The following SEM1 variants were observed in gnomAD, a reference collection of about 807,000 sequenced individuals.
The protein encoded by SEM1 is SEM1 26S proteasome subunit.
SEM1 carries 3 observed loss-of-function variants against 12.7 expected under a neutral mutation model. The ratio of observed to expected loss-of-function variants is 0.24; its 90% CI spans 0.11 to 0.61. The LOEUF (loss-of-function observed/expected upper bound fraction) is 0.61, where lower values mean the gene tolerates loss of function less well. Among genes scored for constraint, SEM1 ranks in the 20% least tolerant of loss-of-function variants. SEM1 has a pLI of 0.88. For synonymous variants in SEM1, 30 were observed against 27.8 expected (o/e 1.08, Z -0.25); for missense variants, 59 against 81.3 (o/e 0.73, Z 1.06).
chr7:96,504,808 T>C (rs963454832), intron 3 of SEM1, among the ~76,000 whole-genome samples: 1 of 151,936 alleles, frequency 6.6e-6, no homozygotes, highest in African/African-American at 2.4e-5. Flanking sequence ...GATTTCTTGG[T>C]ATGTTTCTGA....
chr7:96,506,505 T>C (rs913982637), intron 3 of SEM1: 2 of 152,134 alleles, frequency 1.3e-5, no homozygotes, highest in African/African-American at 4.8e-5. Context: ...AACTTCAAAA[T>C]GTCACCTAAG....
intron 2 of SEM1, among the ~76,000 whole-genome samples, chr7:96,601,342 A>T (rs192481970): frequency 6.3e-4 from 96 of 152,292 alleles, no homozygotes; most frequent in Non-Finnish European, 1.3e-3. Flanking sequence ...TAAGAAAAAA[A>T]GTCAATTGGG....
intron 2 of SEM1, among the ~76,000 whole-genome samples, chr7:96,606,925 T>A (rs1807398125): frequency 6.6e-6 from 1 of 152,250 alleles, no homozygotes; most frequent in Non-Finnish European, 1.5e-5. Flanking sequence ...TATGTCACTG[T>A]ACAGAAGAGC....
chr7:96,662,225 A>G (rs1789027474), intron 2 of SEM1, among the ~76,000 whole-genome samples: 1 of 152,168 alleles, frequency 6.6e-6, no homozygotes, highest in Admixed American at 6.5e-5. Context: ...ATATACACAC[A>G]TGTTCACTGC....
At chr7:96,523,563 C>T (rs1804351672) in intron 2 of SEM1, among the ~76,000 whole-genome samples, 4 of 152,088 alleles carry the variant, frequency 2.6e-5, no homozygotes. Flanking sequence ...CATCGTTCTC[C>T]TCTCTTTACA....
At chr7:96,570,084 C>G (rs1189075391) in intron 2 of SEM1, among the ~76,000 whole-genome samples, 1 of 151,770 alleles carries the variant, frequency 6.6e-6, no homozygotes, top group Non-Finnish European at 1.5e-5. Context: ...ATGTTTAGTT[C>G]TTTGAGAAAC....
intron 2 of SEM1, among the ~76,000 whole-genome samples, chr7:96,624,596 T>G (rs944984230): frequency 6.6e-6 from 1 of 152,320 alleles, no homozygotes; most frequent in African/African-American, 2.4e-5. Flanking sequence ...TAATGCTCAT[T>G]AAGTGCTTGG....
intron 2 of SEM1, among the ~76,000 whole-genome samples, chr7:96,566,672 T>C (rs946488792): frequency 1.3e-5 from 2 of 151,596 alleles, no homozygotes; most frequent in African/African-American, 4.8e-5. Flanking sequence ...TCACCTTTTA[T>C]GGCTTCTAAG....
At chr7:96,520,177 A>G (rs2115623527) in intron 2 of SEM1, among the ~76,000 whole-genome samples, 1 of 152,290 alleles carries the variant, frequency 6.6e-6, no homozygotes, top group Admixed American at 6.5e-5. Flanking sequence ...GAGTATGCCA[A>G]GGGTCACTCA....
At chr7:96,486,284 T>A in exon 2 of SEM1, 1 of 1,537,220 alleles carries the variant, frequency 6.5e-7, no homozygotes, top group Non-Finnish European at 8.7e-7. Context: ...GGCCGGATGC[T>A]TACTCTCATG....
At chr7:96,700,524 C>T (rs1790237996) in intron 1 of SEM1, among the ~76,000 whole-genome samples, 1 of 152,098 alleles carries the variant, frequency 6.6e-6, no homozygotes. Context: ...ATCGTACTTC[C>T]TTTTCCCATT....
At chr7:96,704,370 A>T (rs1790379578) in intron 1 of SEM1, among the ~76,000 whole-genome samples, 1 of 152,156 alleles carries the variant, frequency 6.6e-6, no homozygotes, top group African/African-American at 2.4e-5. Flanking sequence ...TTAAGTTTAA[A>T]TTTTTACCAT....
intron 2 of SEM1, among the ~76,000 whole-genome samples, chr7:96,639,046 C>CA (rs1045598512): frequency 1.3e-5 from 2 of 151,890 alleles, no homozygotes; most frequent in African/African-American, 2.4e-5. Context: ...TACCACCTGA[C>CA]AAAAAACCAG....
chr7:96,529,606 G>T (rs960832922), intron 2 of SEM1, among the ~76,000 whole-genome samples: 15 of 143,662 alleles, frequency 1.0e-4, no homozygotes, highest in African/African-American at 4.1e-4. Context: ...TCATACAACT[G>T]CAGCTCTTGA....
intron 2 of SEM1, among the ~76,000 whole-genome samples, chr7:96,689,650 G>A (rs1009422987): frequency 3.3e-5 from 5 of 152,100 alleles, no homozygotes; most frequent in Non-Finnish European, 5.9e-5. Flanking sequence ...ACACATGACC[G>A]GAATAATGTA....
At chr7:96,628,662 A>G in intron 2 of SEM1, among the ~76,000 whole-genome samples, 1 of 152,176 alleles carries the variant, frequency 6.6e-6, no homozygotes, top group East Asian at 1.9e-4. Flanking sequence ...TACTTAAGGC[A>G]TGAGTAGTTT....
At chr7:96,517,477 T>G (rs976253718) in intron 2 of SEM1, among the ~76,000 whole-genome samples, 3 of 152,184 alleles carry the variant, frequency 2.0e-5, no homozygotes, top group Non-Finnish European at 4.4e-5. Flanking sequence ...ATATGTATAG[T>G]TGAACTCTTC....
rs1000807230 is a variant in SEM1, at chr7:96,519,266, A to AT, written c.171-12569dup. 3.0e-4 allele frequency among the ~76,000 whole-genome samples: 45 copies of AT among 152,066 alleles called. 1 individual carries two copies. The South Asian group carries it at 5.4e-3, about 18-fold the overall frequency. Reference sequence around the variant, plus strand: ...GAAATTTCATTGATTCAACAAAACTATTTTTTTTGAGCACTTTCTATCTGC... The same window carrying AT: ...GAAATTTCATTGATTCAACAAAACTATTTTTTTTTGAGCACTTTCTATCTGC... On this transcript the variant is annotated intron_variant and NMD_transcript_variant, in intron 2 of 3. Transcript: ENST00000466986.
At chr7:96,483,836 C>T (rs528301325) in exon 4 of SEM1, 11 of 1,536,268 alleles carry the variant, frequency 7.2e-6, no homozygotes, top group Non-Finnish European at 9.6e-6. Context: ...GACCAGACTT[C>T]CATCTCTGCT....
Sources: gnomAD v4.1 joint callset for allele counts (sites outside exome capture counted in the v4.1 genomes callset) on GRCh38, gnomAD v4.1.1 for gene constraint, MANE v1.5 for transcripts, NCBI Gene and HGNC (gene_info 2026-07-23, HGNC 2026-07-21) for gene names.